The following OR4S2 variants were observed in gnomAD, a reference collection of about 807,000 sequenced individuals.
OR4S2 encodes the protein olfactory receptor family 4 subfamily S member 2.
OR4S2 carries 16 observed loss-of-function variants against 15.1 expected under a neutral mutation model. The observed-to-expected ratio is 1.06, with a 90% CI of 0.72 to 1.61. The LOEUF (loss-of-function observed/expected upper bound fraction) is 1.61. OR4S2 is among the 40% of genes most tolerant of loss of function. OR4S2 has a pLI of 0.00. For synonymous variants in OR4S2, 133 were observed against 136.3 expected, an observed-to-expected ratio of 0.98 and a Z score of 0.17; for missense variants, 362 against 379.6, an observed-to-expected ratio of 0.95 and a Z score of 0.38.
intron 1 of OR4S2, among the ~76,000 whole-genome samples, chr11:55,650,059 A>G (rs1286235502): frequency 2.2e-5 from 3 of 139,008 alleles, no homozygotes; most frequent in South Asian, 4.6e-4. Flanking sequence ...AATATTTCAT[A>G]CTGACAGAAG....
chr11:55,649,684 C>A (rs945469381), intron 1 of OR4S2, among the ~76,000 whole-genome samples: 5 of 138,784 alleles, frequency 3.6e-5, no homozygotes, highest in Non-Finnish European at 6.4e-5. Flanking sequence ...ATGTCATTTT[C>A]CTAAACCCAT....
chr11:55,649,186 G>A (rs11824221), intron 1 of OR4S2, among the ~76,000 whole-genome samples: 3,012 of 137,852 alleles, frequency 0.022, 371 homozygotes, highest in African/African-American at 0.072. Context: ...AGTGGAGGAT[G>A]GTATTTTTCT....
rs147882026 is a variant in OR4S2 at position 55,651,638 on chromosome 11, C to T, written c.735C>T (p.Val245=). ...CCTGTGGCTCCCACATTGCCATGGTCGTTATCTTTTTCGGCCCCTGTACTT... is the reference window on the plus strand; with the variant it reads ...CCTGTGGCTCCCACATTGCCATGGTTGTTATCTTTTTCGGCCCCTGTACTT... ...LSTCGSHIAM[V]VIFFGPCTFM... is the part of the protein sequence containing the mutation. The change falls in exon 2 of 2, where the codon GTC becomes GTT. Residue 245 remains valine, a synonymous_variant. Transcript: ENST00000641692. 1.1e-5 allele frequency: 16 copies of T among 1,491,660 alleles called. 3 individuals carry two copies. Among genetic ancestry groups the T allele is most frequent in the East Asian group, 2.6e-5 (1 of 38,726 alleles). The allele number at this position is 1,491,660 out of a possible 1,614,324, so 92.4% of individuals were successfully genotyped here. A position where few individuals can be genotyped will look rare whatever the true frequency, so the allele number is the denominator to read the frequency against.
Position 55,651,230 on chromosome 11 carries a change from G to A in OR4S2, c.327G>A (p.Glu109=). 9 of 1,474,276 alleles carry A rather than the reference G, an allele frequency of 6.1e-6. 4 individuals are homozygous for A. The highest frequency in any genetic ancestry group is 8.3e-6 in the Non-Finnish European group (9 of 1,080,452). 91.3% of individuals were successfully genotyped at this position (1,474,276 alleles called of 1,614,324 possible). Residue 109 remains glutamate, a synonymous_variant, in exon 2 of 2, where the codon GAG becomes GAA. Coordinates refer to ENST00000641692, the MANE Select transcript of OR4S2 (RefSeq NM_001004059.3). ...LFGVHFFGCT[E]IFILTVMAYD... ...GAGTACATTTCTTTGGTTGCACTGA[G>A]ATCTTCATCCTTACTGTAATGGCCT...
In OR4S2 at chr11:55,651,153, T is replaced by C. The variant is rs778206162; in HGVS notation, c.250T>C (p.Leu84=). 14 of 1,481,194 alleles carry C rather than the reference T, an allele frequency of 9.5e-6. 1 individual carries two copies. Among genetic ancestry groups the C allele is most frequent in the Non-Finnish European group, 1.3e-5 (14 of 1,086,576 alleles). 91.8% of individuals were successfully genotyped at this position (1,481,194 alleles called of 1,614,324 possible). ...VTAPKMIVDL[L]AKDKTISYVG... ...AGCTCCCAAGATGATTGTTGACCTG[T>C]TAGCAAAGGACAAAACCATCTCCTA... The change falls in exon 2 of 2, where the codon TTA becomes CTA. Residue 84 remains leucine (L), a synonymous_variant. Transcript: ENST00000641692.
Position 55,651,369 on chromosome 11 carries a change from A to T in OR4S2, c.466A>T (p.Ile156Phe). ...TWVGGFLHSI[I>F]QVALVVQLPF... ...GGTAGGTGGGTTCTTACACTCCATT[A>T]TCCAAGTGGCTCTGGTAGTCCAACT... The change falls in exon 2 of 2, where the codon ATC becomes TTC. Residue 156 changes from isoleucine to phenylalanine, a missense_variant. Physicochemically the swap from Ile to Phe is conservative, Grantham distance 21. Transcript: ENST00000641692. 1 of 1,480,074 alleles carries T rather than the reference A, an allele frequency of 6.8e-7. No homozygotes were observed. 91.7% of individuals were successfully genotyped at this position (1,480,074 alleles called of 1,614,324 possible).
rs146233178 is a variant in OR4S2, at chr11:55,650,581, G to A, written c.-36-287G>A. ...AAAAATAAAAACTAAATAAAGTTTA[G>A]AAACAGCTAAATAAACATTAATAAA... is the stretch of plus-strand genomic sequence containing the variant. On this transcript the variant is annotated intron_variant, in intron 1 of 1. Transcript: ENST00000641692. Among the ~76,000 whole-genome samples the A allele has an allele frequency of 1.4e-4, 20 of 138,760 alleles. 5 individuals are homozygous for A. The East Asian group carries it at 3.5e-3, about 25-fold the overall frequency. The allele number at this position is 138,760 out of a possible 152,430, so 91.0% of individuals were successfully genotyped here.
chr11:55,651,908 A>G lies in OR4S2; in HGVS notation c.*69A>G. ...CCTTGGTTAACTCATCTGTGCAATC[A>G]AGACAATAACAACCTCATGGGATTT... On this transcript the variant is annotated 3_prime_UTR_variant, in exon 2 of 2. Coordinates refer to ENST00000641692, the MANE Select transcript of OR4S2 (RefSeq NM_001004059.3). The G allele has an allele frequency of 1.4e-6, 1 of 728,370 alleles. No homozygotes were observed. Among genetic ancestry groups the G allele is most frequent in the Non-Finnish European group, 2.2e-6 (1 of 450,674 alleles). The allele number at this position is 728,370 out of a possible 1,614,324, so 45.1% of individuals were successfully genotyped here. A position where few individuals can be genotyped will look rare whatever the true frequency, so the allele number is the denominator to read the frequency against.
intron 1 of OR4S2, among the ~76,000 whole-genome samples, chr11:55,649,290 A>C (rs111524019): frequency 0.017 from 2,365 of 138,314 alleles, 286 homozygotes; most frequent in African/African-American, 0.057. Flanking sequence ...TTACTCTTAC[A>C]ATCATTATTT....
In OR4S2 at chr11:55,651,204, G is replaced by A. The variant is rs1187756392; in HGVS notation, c.301G>A (p.Gly101Arg). 2.0e-6 allele frequency: 3 copies of A among 1,484,840 alleles called. 1 individual carries two copies. Among genetic ancestry groups the A allele is most frequent in the Non-Finnish European group, 2.8e-6 (3 of 1,089,984 alleles). 92.0% of individuals were successfully genotyped at this position (1,484,840 alleles called of 1,614,324 possible). A position where few individuals can be genotyped will look rare whatever the true frequency, so the allele number is the denominator to read the frequency against. ...SYVGCMLQLF[G>R]VHFFGCTEIF... ...TGTGGGGTGCATGTTGCAACTGTTTGGAGTACATTTCTTTGGTTGCACTGA... is the reference window on the plus strand; with the variant it reads ...TGTGGGGTGCATGTTGCAACTGTTTAGAGTACATTTCTTTGGTTGCACTGA... Residue 101 changes from glycine to arginine, a missense_variant, in exon 2 of 2, where the codon GGA becomes AGA. Gly to Arg is a moderately radical substitution (Grantham distance 125). Transcript: ENST00000641692.
At chr11:55,649,839 C>T (rs1446118281) in intron 1 of OR4S2, among the ~76,000 whole-genome samples, 2 of 138,720 alleles carry the variant, frequency 1.4e-5, no homozygotes, top group Admixed American at 7.8e-5. Flanking sequence ...CTTTTTTACA[C>T]CCATTTTCTT....
At chr11:55,649,348 C>T (rs1858536000) in intron 1 of OR4S2, among the ~76,000 whole-genome samples, 1 of 138,220 alleles carries the variant, frequency 7.2e-6, no homozygotes, top group Non-Finnish European at 1.6e-5. Context: ...TGTGCCAACT[C>T]TAACATGAAT....
chr11:55,651,202 T>C lies in OR4S2; in HGVS notation c.299T>C (p.Phe100Ser), dbSNP rs765189982. The C allele has an allele frequency of 6.7e-7, 1 of 1,485,048 alleles. No individual in the cohort carries two copies. Among genetic ancestry groups the C allele is most frequent in the Non-Finnish European group, 9.2e-7 (1 of 1,090,160 alleles). 92.0% of individuals were successfully genotyped at this position (1,485,048 alleles called of 1,614,324 possible). Residue 100 changes from phenylalanine to serine, a missense_variant, in exon 2 of 2, where the codon TTT becomes TCT. Coordinates refer to ENST00000641692, the MANE Select transcript of OR4S2 (RefSeq NM_001004059.3). ...TATGTGGGGTGCATGTTGCAACTGTTTGGAGTACATTTCTTTGGTTGCACT... is the reference window on the plus strand; with the variant it reads ...TATGTGGGGTGCATGTTGCAACTGTCTGGAGTACATTTCTTTGGTTGCACT... The part of the protein sequence containing the change: ...ISYVGCMLQL[F>S]GVHFFGCTEI...
rs1858539101 is a variant in OR4S2 at position 55,649,624 on chromosome 11, C to T, written c.-37+1074C>T. Among the ~76,000 whole-genome samples the T allele has an allele frequency of 1.4e-5, 2 of 138,500 alleles. 1 individual carries two copies. Among genetic ancestry groups the T allele is most frequent in the Admixed American group, 1.6e-4 (2 of 12,702 alleles). 90.9% of individuals were successfully genotyped at this position (138,500 alleles called of 152,430 possible). On this transcript the variant is annotated intron_variant, in intron 1 of 1. Coordinates refer to ENST00000641692, the MANE Select transcript of OR4S2 (RefSeq NM_001004059.3). ...CTTTTCCATCCATGTACCAATGACC[C>T]CATTGTAGTGCCTGAAATTTCACCA...
rs1246314882 is a variant in OR4S2 at position 55,651,764 on chromosome 11, G to A, written c.861G>A (p.Leu287=). The change falls in exon 2 of 2, where the codon CTG becomes CTA. Residue 287 remains leucine, a synonymous_variant. Transcript: ENST00000641692. The stretch of plus-strand genomic sequence containing the variant: ...TGTTAAATCCTCTGATTTATACACT[G>A]AGAAATGCAGAAGTAAAGAATGCAA... ...TPMLNPLIYT[L]RNAEVKNAMK... The A allele has an allele frequency of 2.7e-6, 4 of 1,462,150 alleles. 1 individual carries two copies. The highest frequency in any genetic ancestry group is 5.2e-5 in the East Asian group (2 of 38,632). 90.6% of individuals were successfully genotyped at this position (1,462,150 alleles called of 1,614,324 possible). A position where few individuals can be genotyped will look rare whatever the true frequency, so the allele number is the denominator to read the frequency against.
Position 55,651,970 on chromosome 11 carries a change from G to A in OR4S2, c.*131G>A. 1.5e-5 allele frequency: 7 copies of A among 466,944 alleles called. 1 individual carries two copies. The South Asian group carries it at 2.2e-4, about 15-fold the overall frequency. 28.9% of individuals were successfully genotyped at this position (466,944 alleles called of 1,614,324 possible). On this transcript the variant is annotated 3_prime_UTR_variant, in exon 2 of 2. Coordinates refer to ENST00000641692, the MANE Select transcript of OR4S2 (RefSeq NM_001004059.3). ...ATGAGACAATAACACATTCAAAAGA[G>A]TAAGGTATTATTTTTCATTATTATA...
chr11:55,650,373 G>T (rs1858547814), intron 1 of OR4S2, among the ~76,000 whole-genome samples: 1 of 138,756 alleles, frequency 7.2e-6, no homozygotes, highest in Admixed American at 7.8e-5. Flanking sequence ...CAGAGAAATT[G>T]CAGAATATTT....
rs1238872214 is a variant in OR4S2 at position 55,649,651 on chromosome 11, T to C, written c.-37+1101T>C. Among the ~76,000 whole-genome samples the C allele has an allele frequency of 6.5e-5, 9 of 139,036 alleles. 1 individual carries two copies. Among genetic ancestry groups the C allele is most frequent in the Admixed American group, 7.8e-5 (1 of 12,780 alleles). The allele number at this position is 139,036 out of a possible 152,430, so 91.2% of individuals were successfully genotyped here. A position where few individuals can be genotyped will look rare whatever the true frequency, so the allele number is the denominator to read the frequency against. On this transcript the variant is annotated intron_variant, in intron 1 of 1. Transcript: ENST00000641692. Reference sequence around the variant, plus strand: ...ATTGTAGTGCCTGAAATTTCACCAATGAATATTCATCCATTTAGATAAATG... The same window carrying C: ...ATTGTAGTGCCTGAAATTTCACCAACGAATATTCATCCATTTAGATAAATG...
chr11:55,649,280 T>A lies in OR4S2; in HGVS notation c.-37+730T>A, dbSNP rs1434435833. 4.3e-5 allele frequency among the ~76,000 whole-genome samples: 6 copies of A among 138,356 alleles called. 2 individuals are homozygous for A. Among genetic ancestry groups the A allele is most frequent in the Admixed American group, 3.2e-4 (4 of 12,686 alleles). The allele number at this position is 138,356 out of a possible 152,430, so 90.8% of individuals were successfully genotyped here. On this transcript the variant is annotated intron_variant, in intron 1 of 1. Transcript: ENST00000641692. ...AGACTGTATCTAAATCATATTACTA[T>A]TACTCTTACAATCATTATTTTGTAA... is the stretch of plus-strand genomic sequence containing the variant.
Sources: gnomAD v4.1 joint callset for allele counts (sites outside exome capture counted in the v4.1 genomes callset) on GRCh38, gnomAD v4.1.1 for gene constraint, MANE v1.5 for transcripts, NCBI Gene and HGNC (gene_info 2026-07-23, HGNC 2026-07-21) for gene names.